KCNIP1: variants seen among roughly 807,000 people sequenced by gnomAD.
KCNIP1 encodes the protein potassium voltage-gated channel interacting protein 1, also known as A-type potassium channel modulatory protein KCNIP1.
A neutral mutation model predicts 33.0 loss-of-function variants in KCNIP1; 18 were observed. That is an observed-to-expected ratio of 0.55 (90% CI 0.38 to 0.81). The LOEUF (loss-of-function observed/expected upper bound fraction) is 0.81. Ranked by LOEUF, KCNIP1 falls within the 30% of genes least tolerant of loss-of-function variation. The pLI is 0.00. For missense variants in KCNIP1, 238 were observed against 271.6 expected (o/e 0.88, Z 0.87); for synonymous variants, 93 against 98.3 (o/e 0.95, Z 0.32).
At chr5:170,708,367 A>C (rs1005062178) in intron 1 of KCNIP1, among the ~76,000 whole-genome samples, 2 of 152,250 alleles carry the variant, frequency 1.3e-5, no homozygotes, top group Non-Finnish European at 2.9e-5. Context: ...AACATTGAAA[A>C]TGAACCACTG....
chr5:170,498,762 C>T (rs572368197), intron 1 of KCNIP1, among the ~76,000 whole-genome samples: 1 of 152,314 alleles, frequency 6.6e-6, no homozygotes, highest in East Asian at 1.9e-4. Flanking sequence ...TTGCAGAGTG[C>T]TCTACAGAGA....
intron 1 of KCNIP1, among the ~76,000 whole-genome samples, chr5:170,354,372 G>T (rs573231888): frequency 2.0e-5 from 3 of 152,322 alleles, no homozygotes; most frequent in Admixed American, 2.0e-4. Context: ...GAACAGAGAC[G>T]CTTGAGGGGG....
chr5:170,723,152 T>A (rs1763889698), intron 5 of KCNIP1, among the ~76,000 whole-genome samples: 1 of 152,138 alleles, frequency 6.6e-6, no homozygotes, highest in African/African-American at 2.4e-5. Context: ...GAGCCACAAG[T>A]CAAAGCTAAA....
chr5:170,638,834 G>A (rs924169935), intron 1 of KCNIP1, among the ~76,000 whole-genome samples: 8 of 152,198 alleles, frequency 5.3e-5, no homozygotes, highest in East Asian at 1.9e-4. Flanking sequence ...CCGAATCTCC[G>A]GGCTTCCTGC....
intron 1 of KCNIP1, among the ~76,000 whole-genome samples, chr5:170,669,316 A>G (rs1461861254): frequency 6.6e-6 from 1 of 152,244 alleles, no homozygotes; most frequent in Non-Finnish European, 1.5e-5. Flanking sequence ...CTCTTGAAAA[A>G]TAAATATAAT....
intron 1 of KCNIP1, chr5:170,382,936 GAAAC>G: frequency 7.3e-6 from 1 of 137,186 alleles, no homozygotes; most frequent in Non-Finnish European, 1.6e-5. Context: ...AGGAAAGAAG[GAAAC>G]AAGGAAGGAA....
chr5:170,536,905 C>A (rs77757591), intron 1 of KCNIP1, among the ~76,000 whole-genome samples: 259 of 152,326 alleles, frequency 1.7e-3, no homozygotes, highest in African/African-American at 5.9e-3. Flanking sequence ...GGGCATTAGA[C>A]TTGCTGGATT....
intron 1 of KCNIP1, among the ~76,000 whole-genome samples, chr5:170,367,447 G>GGAAAGAAAGAAAGAAAGAAAGAAAGAAA (rs374443943): frequency 7.0e-6 from 1 of 142,876 alleles, no homozygotes; most frequent in African/African-American, 2.7e-5. Flanking sequence ...AGGAAAGAAA[G>GGAAAGAAAGAAAGAAAGAAAGAAAGAAA]GAAAGAAAGA....
intron 1 of KCNIP1, among the ~76,000 whole-genome samples, chr5:170,440,804 G>A (rs1335887649): frequency 2.6e-5 from 4 of 152,184 alleles, no homozygotes; most frequent in African/African-American, 7.2e-5. Context: ...CTGAGATCAC[G>A]ATGTACAAAC....
chr5:170,702,723 G>A (rs1763138751), intron 1 of KCNIP1, among the ~76,000 whole-genome samples: 1 of 152,152 alleles, frequency 6.6e-6, no homozygotes. Flanking sequence ...CCATCAAGCA[G>A]ATGATGTGAT....
intron 1 of KCNIP1, among the ~76,000 whole-genome samples, chr5:170,716,239 A>G (rs923071571): frequency 6.6e-6 from 1 of 152,268 alleles, no homozygotes; most frequent in African/African-American, 2.4e-5. Flanking sequence ...AAAGGAATAC[A>G]TTAAAACTAA....
chr5:170,410,479 C>T (rs1755157255), intron 1 of KCNIP1, among the ~76,000 whole-genome samples: 1 of 151,676 alleles, frequency 6.6e-6, no homozygotes, highest in South Asian at 2.1e-4. Flanking sequence ...GTTCTTGCAC[C>T]CTGAAATGGA....
At chr5:170,547,578 T>A (rs1756462399) in intron 1 of KCNIP1, among the ~76,000 whole-genome samples, 2 of 152,214 alleles carry the variant, frequency 1.3e-5, no homozygotes, top group South Asian at 4.1e-4. Flanking sequence ...TATGTGTCCT[T>A]GTGTTCTCAT....
intron 1 of KCNIP1, among the ~76,000 whole-genome samples, chr5:170,607,976 A>T (rs1758995594): frequency 6.6e-6 from 1 of 152,220 alleles, no homozygotes; most frequent in Non-Finnish European, 1.5e-5. Flanking sequence ...GCTACAACAA[A>T]TTACCACAAA....
At chr5:170,469,573 C>T (rs1756678342) in intron 1 of KCNIP1, among the ~76,000 whole-genome samples, 2 of 152,182 alleles carry the variant, frequency 1.3e-5, no homozygotes, top group Admixed American at 1.3e-4. Flanking sequence ...TCTCTACTTC[C>T]TGCCTCCCCA....
At chr5:170,558,260 C>T (rs1178107391) in intron 1 of KCNIP1, among the ~76,000 whole-genome samples, 1 of 152,146 alleles carries the variant, frequency 6.6e-6, no homozygotes, top group Non-Finnish European at 1.5e-5. Context: ...AAACTGAGCC[C>T]GTAATTACAT....
chr5:170,659,113 C>T (rs577636569), intron 1 of KCNIP1, among the ~76,000 whole-genome samples: 3 of 152,148 alleles, frequency 2.0e-5, no homozygotes, highest in East Asian at 1.9e-4. Context: ...TTCTTGCCTG[C>T]GTTCCTTTAA....
chr5:170,527,779 C>T (rs934945807), intron 1 of KCNIP1, among the ~76,000 whole-genome samples: 2 of 150,512 alleles, frequency 1.3e-5, no homozygotes, highest in Non-Finnish European at 2.9e-5. Context: ...TGTCTCAAAA[C>T]AATATATTTT....
chr5:170,399,579 C>A (rs314136), intron 1 of KCNIP1, among the ~76,000 whole-genome samples: 4,908 of 152,252 alleles, frequency 0.032, 165 homozygotes, highest in African/African-American at 0.084. Context: ...GAGGAAACCA[C>A]AGTCAAAATA....
Sources: gnomAD v4.1 joint callset for allele counts (sites outside exome capture counted in the v4.1 genomes callset) on GRCh38, gnomAD v4.1.1 for gene constraint, MANE v1.5 for transcripts, NCBI Gene and HGNC (gene_info 2026-07-23, HGNC 2026-07-21) for gene names.